SYNPR: variants seen among roughly 807,000 people sequenced by gnomAD.
The protein encoded by SYNPR is synaptoporin.
A neutral mutation model predicts 32.9 loss-of-function variants in SYNPR; 23 were observed. The observed-to-expected ratio is 0.70, with a 90% CI of 0.50 to 0.99. SYNPR has a LOEUF of 0.99. Among genes scored for constraint, SYNPR ranks in the 50% least tolerant of loss-of-function variants. The pLI, the probability that SYNPR is intolerant of heterozygous loss-of-function variation, is 0.00. For missense variants in SYNPR, 318 were observed against 349.3 expected, an observed-to-expected ratio of 0.91 and a Z score of 0.71; for synonymous variants, 146 against 135.9, an observed-to-expected ratio of 1.07 and a Z score of -0.52.
At chr3:63,279,475 CT>C (rs1320942709) in intron 2 of SYNPR, among the ~76,000 whole-genome samples, 1 of 152,170 alleles carries the variant, frequency 6.6e-6, no homozygotes, top group African/African-American at 2.4e-5. Context: ...CCCTGACGCT[CT>C]TATTGCAATT....
At chr3:63,211,858 C>CT in the SYNPR span, among the ~76,000 whole-genome samples, 1 of 111,492 alleles carries the variant, frequency 9.0e-6, no homozygotes, top group Admixed American at 9.7e-5. Flanking sequence ...ATCCCTCCCC[C>CT]CTCCCCCGAC....
At chr3:63,614,552 T>C (rs1161234752) in intron 5 of SYNPR, among the ~76,000 whole-genome samples, 1 of 152,212 alleles carries the variant, frequency 6.6e-6, no homozygotes. Flanking sequence ...CATTCACTTA[T>C]CCCTGTGAGA....
At chr3:63,376,104 T>A (rs1329619907) in intron 2 of SYNPR, among the ~76,000 whole-genome samples, 2 of 152,172 alleles carry the variant, frequency 1.3e-5, no homozygotes, top group African/African-American at 4.8e-5. Context: ...TTTGGGCCCA[T>A]CTGAAATCCA....
intron 2 of SYNPR, among the ~76,000 whole-genome samples, chr3:63,330,806 T>C (rs1381296877): frequency 6.6e-6 from 1 of 152,150 alleles, no homozygotes; most frequent in Non-Finnish European, 1.5e-5. Context: ...GTTGTATAAC[T>C]TGCAGTTGAA....
chr3:63,312,992 A>G (rs2106955255), intron 2 of SYNPR, among the ~76,000 whole-genome samples: 1 of 152,168 alleles, frequency 6.6e-6, no homozygotes, highest in Admixed American at 6.6e-5. Flanking sequence ...ACTGACCACA[A>G]CAGAAACTAT....
At chr3:63,251,369 G>T (rs925121489) in intron 1 of SYNPR, among the ~76,000 whole-genome samples, 1 of 152,070 alleles carries the variant, frequency 6.6e-6, no homozygotes, top group Non-Finnish European at 1.5e-5. Context: ...TAGAAGGAAA[G>T]CATATATGTG....
intron 2 of SYNPR, among the ~76,000 whole-genome samples, chr3:63,404,045 G>A (rs377427478): frequency 7.2e-5 from 11 of 152,304 alleles, no homozygotes; most frequent in Admixed American, 6.5e-4. Context: ...CCATTTACTA[G>A]AGAACAAAAA....
At chr3:63,531,862 G>C (rs1031512125) in intron 3 of SYNPR, among the ~76,000 whole-genome samples, 1 of 152,060 alleles carries the variant, frequency 6.6e-6, no homozygotes, top group African/African-American at 2.4e-5. Context: ...CACTGGTGTT[G>C]GGGAAATGAG....
At chr3:63,441,226 A>G (rs1700165017) in intron 2 of SYNPR, among the ~76,000 whole-genome samples, 1 of 152,232 alleles carries the variant, frequency 6.6e-6, no homozygotes, top group East Asian at 1.9e-4. Flanking sequence ...TGATATACCA[A>G]AAACACCCAC....
chr3:63,531,316 C>T (rs978985350), intron 3 of SYNPR, among the ~76,000 whole-genome samples: 7 of 152,154 alleles, frequency 4.6e-5, no homozygotes, highest in African/African-American at 1.7e-4. Context: ...CAGGGCTCTG[C>T]TCCCTCTAAA....
chr3:63,303,447 T>G (rs1216031557), intron 2 of SYNPR, among the ~76,000 whole-genome samples: 2 of 152,020 alleles, frequency 1.3e-5, no homozygotes, highest in Non-Finnish European at 1.5e-5. Flanking sequence ...CTGCTCAGCC[T>G]GCTTCCCTGG....
chr3:63,442,979 T>C (rs1315707176), intron 2 of SYNPR: 1 of 977,986 alleles, frequency 1.0e-6, no homozygotes, highest in Non-Finnish European at 1.2e-6. Flanking sequence ...TTTAAAAAAA[T>C]CTCCTAGTTT....
chr3:63,272,474 G>GAC (rs2086545130), intron 3 of SYNPR, among the ~76,000 whole-genome samples: 1 of 148,856 alleles, frequency 6.7e-6, no homozygotes, highest in Non-Finnish European at 1.5e-5. Context: ...AAATTGCAGT[G>GAC]TCTGGTGTTA....
At chr3:63,517,116 G>A (rs1306284046) in intron 3 of SYNPR, among the ~76,000 whole-genome samples, 2 of 152,056 alleles carry the variant, frequency 1.3e-5, no homozygotes, top group African/African-American at 4.8e-5. Context: ...GAAATTCCTA[G>A]ACCTAGATGT....
At chr3:63,610,389 C>T in intron 5 of SYNPR, 3 of 603,508 alleles carry the variant, frequency 5.0e-6, no homozygotes, top group Non-Finnish European at 9.1e-6. Context: ...GAATAGAAGG[C>T]TCAGCAGTGT....
chr3:63,517,948 G>A (rs1246742106), intron 3 of SYNPR, among the ~76,000 whole-genome samples: 3 of 152,142 alleles, frequency 2.0e-5, no homozygotes, highest in Non-Finnish European at 2.9e-5. Flanking sequence ...GCAACAATAC[G>A]TGCATGTACG....
At chr3:63,495,520 A>G (rs1362002614) in intron 3 of SYNPR, among the ~76,000 whole-genome samples, 1 of 152,164 alleles carries the variant, frequency 6.6e-6, no homozygotes, top group Non-Finnish European at 1.5e-5. Flanking sequence ...ACCTTTTGGC[A>G]TCTTTAGAAA....
At chr3:63,226,670 G>A (rs1208224084), upstream of SYNPR, among the ~76,000 whole-genome samples, 1 of 152,152 alleles carries the variant, frequency 6.6e-6, no homozygotes, top group African/African-American at 2.4e-5. Flanking sequence ...TGGAGACAGA[G>A]AATAGAATGA....
At chr3:63,475,675 T>A (rs564065992) in intron 2 of SYNPR, among the ~76,000 whole-genome samples, 1 of 152,120 alleles carries the variant, frequency 6.6e-6, no homozygotes, top group Non-Finnish European at 1.5e-5. Context: ...CAAATGGAGA[T>A]CTGTCTCTCT....
Sources: allele counts gnomAD v4.1 joint callset (sites outside exome capture counted in the v4.1 genomes callset), GRCh38; gene constraint gnomAD v4.1.1; transcripts MANE v1.5; gene names NCBI Gene and HGNC (gene_info 2026-07-23, HGNC 2026-07-21).